The following ATG7 variants were observed in gnomAD, a reference collection of about 807,000 sequenced individuals.
The protein encoded by ATG7 is autophagy related 7.
In ATG7, 70 loss-of-function variants were observed where a neutral mutation model predicts 82.4. The observed-to-expected ratio is 0.85, with a 90% CI of 0.70 to 1.04. The LOEUF (loss-of-function observed/expected upper bound fraction) is 1.04. ATG7 is among the 50% of genes least tolerant of loss of function. ATG7 has a pLI of 0.00. For synonymous variants in ATG7, 287 were observed against 313.0 expected, an observed-to-expected ratio of 0.92 and a Z score of 0.88; for missense variants, 792 against 864.3, an observed-to-expected ratio of 0.92 and a Z score of 1.05.
intron 20 of ATG7, among the ~76,000 whole-genome samples, chr3:11,453,165 G>T (rs555748716): frequency 6.6e-6 from 1 of 152,200 alleles, no homozygotes; most frequent in Non-Finnish European, 1.5e-5. Context: ...ATGTTGAGGG[G>T]GCTGAGAGTT....
At chr3:11,440,469 C>T (rs2083800008) in intron 20 of ATG7, among the ~76,000 whole-genome samples, 2 of 147,096 alleles carry the variant, frequency 1.4e-5, no homozygotes, top group South Asian at 2.2e-4. Context: ...GGACTACAGG[C>T]GCCCGCCACT....
chr3:11,552,211 T>C (rs943794246), intron 20 of ATG7, among the ~76,000 whole-genome samples: 3 of 152,248 alleles, frequency 2.0e-5, no homozygotes, highest in African/African-American at 4.8e-5. Context: ...TGCTTTGATA[T>C]TACCTACAAA....
intron 19 of ATG7, among the ~76,000 whole-genome samples, chr3:11,389,373 T>G (rs766928115): frequency 2.1e-4 from 32 of 152,010 alleles, no homozygotes; most frequent in Admixed American, 6.5e-4. Context: ...TAATCATAGT[T>G]TTCTAGAGTG....
chr3:11,551,717 G>A (rs953795826), intron 20 of ATG7, among the ~76,000 whole-genome samples: 1 of 147,984 alleles, frequency 6.8e-6, no homozygotes, highest in South Asian at 2.2e-4. Context: ...GGCACGAGCC[G>A]CTGTGCCCAG....
intron 19 of ATG7, among the ~76,000 whole-genome samples, chr3:11,396,021 AC>A (rs1161590675): frequency 6.6e-6 from 1 of 151,598 alleles, no homozygotes; most frequent in Non-Finnish European, 1.5e-5. Flanking sequence ...ATAGACAAGA[AC>A]AGAGTCCACC....
At chr3:11,475,868 G>GACACACACACATACACAC (rs1553687235) in intron 20 of ATG7, among the ~76,000 whole-genome samples, 4 of 111,126 alleles carry the variant, frequency 3.6e-5, no homozygotes, top group African/African-American at 3.6e-5. Flanking sequence ...CTGTCTCTGA[G>GACACACACACATACACAC]ACACACACAC....
chr3:11,332,803 A>G, intron 10 of ATG7, 169 bp from the exon 11 acceptor site: 1 of 564,536 alleles, frequency 1.8e-6, no homozygotes, highest in Non-Finnish European at 2.6e-6. Context: ...GGAGCCATAT[A>G]TGAATATGTT....
intron 20 of ATG7, among the ~76,000 whole-genome samples, chr3:11,495,229 C>T (rs59997380): frequency 0.011 from 1,722 of 152,230 alleles, 31 homozygotes; most frequent in African/African-American, 0.039. Flanking sequence ...CAGGGATTGT[C>T]ATGGACCTTG....
chr3:11,277,324 C>T (rs1023081330), intron 1 of ATG7: 1 of 152,288 alleles, frequency 6.6e-6, no homozygotes, highest in African/African-American at 2.4e-5. Context: ...TGGCCTTTGC[C>T]TGCTTTTATG....
chr3:11,379,886 T>C, intron 18 of ATG7, 86 bp from the exon 19 acceptor site: 2 of 1,326,598 alleles, frequency 1.5e-6, no homozygotes, highest in Non-Finnish European at 2.2e-6. Context: ...AATCATTTCC[T>C]ACTTGTTGTC....
intron 3 of ATG7, among the ~76,000 whole-genome samples, chr3:11,293,500 C>CAGCCTGGATGACAGAATG (rs1161750510): frequency 2.8e-5 from 4 of 143,488 alleles, no homozygotes; most frequent in Non-Finnish European, 6.0e-5. Flanking sequence ...CACTACACTC[C>CAGCCTGGATGACAGAATG]AGCCTGGATG....
At chr3:11,509,407 T>C (rs1259845720) in intron 20 of ATG7, among the ~76,000 whole-genome samples, 2 of 152,106 alleles carry the variant, frequency 1.3e-5, no homozygotes, top group African/African-American at 4.8e-5. Flanking sequence ...TTTTTTTTTT[T>C]TAAGTGCCAA....
At chr3:11,417,802 T>TATTA (rs140710668) in intron 19 of ATG7, among the ~76,000 whole-genome samples, 2,297 of 88,778 alleles carry the variant, frequency 0.026, 67 homozygotes, top group South Asian at 0.074. Context: ...TTATTATTAT[T>TATTA]TTATTTTATT....
chr3:11,519,330 GTAAT>G (rs1220954189), intron 20 of ATG7, among the ~76,000 whole-genome samples: 3 of 152,030 alleles, frequency 2.0e-5, no homozygotes, highest in African/African-American at 7.2e-5. Context: ...ATAGGCGAAG[GTAAT>G]TATTTCAGAC....
rs118122789 is a variant in ATG7 at position 11,346,373 on chromosome 3, A to G, written c.1126-1504A>G. ...GGATAAATTGCTGGAAATAGGTCAT[A>G]GGATATGGGTATTCTTAAGATTCTA... On this transcript the variant is annotated intron_variant, in intron 13 of 20. Coordinates refer to ENST00000693202, the MANE Select transcript of ATG7 (RefSeq NM_001349232.2). Among the ~76,000 whole-genome samples the G allele has an allele frequency of 1.3e-3, 204 of 152,348 alleles. 3 individuals are homozygous for G. The East Asian group carries it at 0.027, about 20-fold the overall frequency.
intron 20 of ATG7, among the ~76,000 whole-genome samples, chr3:11,461,405 T>C (rs755674647): frequency 2.6e-5 from 4 of 152,200 alleles, no homozygotes; most frequent in Non-Finnish European, 5.9e-5. Flanking sequence ...TAATCCTGCT[T>C]AGAATTTCCA....
At chr3:11,518,046 G>C (rs553464672) in intron 20 of ATG7, among the ~76,000 whole-genome samples, 1 of 152,290 alleles carries the variant, frequency 6.6e-6, no homozygotes, top group African/African-American at 2.4e-5. Context: ...GAATGTACAG[G>C]CTCTGGTGAT....
At chr3:11,313,102 G>C (rs1360679845) in intron 7 of ATG7, among the ~76,000 whole-genome samples, 1 of 152,116 alleles carries the variant, frequency 6.6e-6, no homozygotes, top group East Asian at 1.9e-4. Context: ...ATTAGTGGTG[G>C]TATATGAGAC....
chr3:11,367,015 T>G (rs1381996396), intron 18 of ATG7, among the ~76,000 whole-genome samples: 9 of 86,306 alleles, frequency 1.0e-4, no homozygotes, highest in African/African-American at 2.1e-4. Flanking sequence ...GTGTGTGTGT[T>G]TACTTGCTTA....
Sources: allele counts gnomAD v4.1 joint callset (sites outside exome capture counted in the v4.1 genomes callset), GRCh38; gene constraint gnomAD v4.1.1; transcripts MANE v1.5; gene names NCBI Gene and HGNC (gene_info 2026-07-23, HGNC 2026-07-21).